The following CCDC192 variants were observed in gnomAD, a reference collection of about 807,000 sequenced individuals.
The protein encoded by CCDC192 is coiled-coil domain containing 192.
intron 2 of CCDC192, among the ~76,000 whole-genome samples, chr5:127,720,825 C>A (rs1036493217): frequency 7.2e-5 from 11 of 152,210 alleles, no homozygotes; most frequent in Admixed American, 4.6e-4. Context: ...TCTGAAACAA[C>A]AGGCTGAGCT....
intron 6 of CCDC192, among the ~76,000 whole-genome samples, chr5:127,922,719 G>T (rs920323606): frequency 2.3e-4 from 35 of 152,316 alleles, no homozygotes; most frequent in African/African-American, 7.7e-4. Flanking sequence ...CTGCACTCCA[G>T]CCTGGGCAAT....
chr5:127,738,489 T>C (rs1295248320), intron 2 of CCDC192, among the ~76,000 whole-genome samples: 6 of 144,768 alleles, frequency 4.1e-5, no homozygotes, highest in African/African-American at 1.3e-4. Flanking sequence ...CCTTGCTAGA[T>C]TGGGGAAGTT....
chr5:127,759,176 A>C (rs1754775197), intron 3 of CCDC192, among the ~76,000 whole-genome samples: 1 of 152,174 alleles, frequency 6.6e-6, no homozygotes, highest in African/African-American at 2.4e-5. Context: ...GGGTGTAAAC[A>C]TGCTAGTTAC....
At chr5:127,848,352 C>T (rs1750653933) in intron 5 of CCDC192, among the ~76,000 whole-genome samples, 1 of 152,200 alleles carries the variant, frequency 6.6e-6, no homozygotes, top group African/African-American at 2.4e-5. Flanking sequence ...GGAACTTCCT[C>T]CTTCCCTGGG....
At chr5:127,702,896 G>C (rs909748665), upstream of CCDC192, among the ~76,000 whole-genome samples, 2 of 152,220 alleles carry the variant, frequency 1.3e-5, no homozygotes, top group Admixed American at 1.3e-4. Flanking sequence ...CAAACTACCA[G>C]CTAATCAGGC....
At chr5:127,864,054 A>G (rs1751488010) in intron 5 of CCDC192, among the ~76,000 whole-genome samples, 1 of 152,202 alleles carries the variant, frequency 6.6e-6, no homozygotes, top group Non-Finnish European at 1.5e-5. Context: ...CTGGGCACCA[A>G]ACATTTTCAT....
intron 6 of CCDC192, among the ~76,000 whole-genome samples, chr5:127,903,280 T>G (rs1235031635): frequency 6.6e-6 from 1 of 151,756 alleles, no homozygotes; most frequent in African/African-American, 2.4e-5. Context: ...TTTGGTCTTG[T>G]CGCCCAGGCT....
intron 6 of CCDC192, among the ~76,000 whole-genome samples, chr5:127,894,583 T>C (rs1448043083): frequency 6.6e-6 from 1 of 152,200 alleles, no homozygotes; most frequent in East Asian, 1.9e-4. Flanking sequence ...CACAGCTAGA[T>C]TCTACTGAAT....
intron 6 of CCDC192, among the ~76,000 whole-genome samples, chr5:127,894,384 G>A (rs1203611167): frequency 6.6e-6 from 1 of 151,730 alleles, no homozygotes; most frequent in Admixed American, 6.6e-5. Flanking sequence ...AATAGAGACA[G>A]GTTTCACCAT....
At chr5:127,919,650 C>G (rs1580827220) in intron 6 of CCDC192, among the ~76,000 whole-genome samples, 1 of 152,216 alleles carries the variant, frequency 6.6e-6, no homozygotes, top group South Asian at 2.1e-4. Context: ...AGAGCTTCTA[C>G]AGCAAACTGG....
chr5:127,812,496 C>G (rs1037069944), intron 5 of CCDC192, among the ~76,000 whole-genome samples: 18 of 152,066 alleles, frequency 1.2e-4, no homozygotes, highest in African/African-American at 4.3e-4. Flanking sequence ...TTGTCCTGAC[C>G]CTCATTTGCT....
At chr5:127,905,717 AAAGT>A (rs1356399483) in intron 6 of CCDC192, among the ~76,000 whole-genome samples, 3 of 152,252 alleles carry the variant, frequency 2.0e-5, no homozygotes, top group African/African-American at 7.2e-5. Flanking sequence ...ATGCAAAAAA[AAAGT>A]AAGCCAAAAG....
intron 6 of CCDC192, among the ~76,000 whole-genome samples, chr5:127,918,903 A>G (rs28525641): frequency 6.7e-6 from 1 of 150,012 alleles, no homozygotes; most frequent in Admixed American, 6.6e-5. Flanking sequence ...GTGTATGTTT[A>G]TGTTTGCATA....
intron 2 of CCDC192, among the ~76,000 whole-genome samples, chr5:127,723,725 G>C (rs1752155684): frequency 6.6e-6 from 1 of 152,254 alleles, no homozygotes; most frequent in Admixed American, 6.5e-5. Context: ...GTGGCAACAG[G>C]GTAAATAGCA....
At chr5:127,702,762 A>G (rs983898268), upstream of CCDC192, among the ~76,000 whole-genome samples, 3 of 152,238 alleles carry the variant, frequency 2.0e-5, no homozygotes, top group African/African-American at 7.2e-5. Context: ...TGAAGCGGAT[A>G]CAGGTTCACC....
At chr5:127,813,934 A>G (rs921682203) in intron 5 of CCDC192, among the ~76,000 whole-genome samples, 1 of 152,220 alleles carries the variant, frequency 6.6e-6, no homozygotes, top group African/African-American at 2.4e-5. Flanking sequence ...GAGGCAAAGG[A>G]ATGTAAAACC....
intron 6 of CCDC192, among the ~76,000 whole-genome samples, chr5:127,899,859 C>A (rs1398398063): frequency 2.0e-5 from 3 of 152,214 alleles, no homozygotes; most frequent in Non-Finnish European, 4.4e-5. Flanking sequence ...CACAAGGGGA[C>A]ACAGGTCCTG....
At chr5:127,807,547 A>G (rs984706200) in intron 5 of CCDC192, among the ~76,000 whole-genome samples, 1 of 152,134 alleles carries the variant, frequency 6.6e-6, no homozygotes, top group African/African-American at 2.4e-5. Flanking sequence ...TTGTCAATTA[A>G]GTATTTGTTC....
chr5:127,854,249 G>A (rs893369476), intron 5 of CCDC192, among the ~76,000 whole-genome samples: 5 of 151,894 alleles, frequency 3.3e-5, no homozygotes, highest in Non-Finnish European at 1.5e-5. Flanking sequence ...TCACTCTCTG[G>A]TGTTTCCAGA....
Sources: gnomAD v4.1 joint callset for allele counts (sites outside exome capture counted in the v4.1 genomes callset) on GRCh38, gnomAD v4.1.1 for gene constraint, MANE v1.5 for transcripts, NCBI Gene and HGNC (gene_info 2026-07-23, HGNC 2026-07-21) for gene names.